The following PRKAG2 variants were observed in gnomAD, a reference collection of about 807,000 sequenced individuals.
PRKAG2 encodes 5'-AMP-activated protein kinase subunit gamma-2.
Under a neutral mutation model 69.6 loss-of-function variants are expected in PRKAG2, and 26 were observed. That is an observed-to-expected ratio of 0.37 (90% CI 0.27 to 0.52). The LOEUF is 0.52. PRKAG2 is among the 20% of genes least tolerant of loss of function. The pLI is 0.90. For synonymous variants in PRKAG2, 293 were observed against 285.0 expected (o/e 1.03, Z -0.28); for missense variants, 557 against 740.0 (o/e 0.75, Z 2.87).
intron 1 of PRKAG2, among the ~76,000 whole-genome samples, chr7:151,798,999 G>T (rs1428551477): frequency 1.3e-5 from 2 of 152,120 alleles, no homozygotes; most frequent in African/African-American, 4.8e-5. Flanking sequence ...ACCCAGAACA[G>T]CAATTACACC....
At position 151,557,168 on chromosome 7, in the gene PRKAG2, G is replaced by A; in HGVS notation, c.*33C>T. 6.2e-7 allele frequency: 1 copy of A among 1,614,090 alleles called. No individual in the cohort carries two copies. Among genetic ancestry groups the A allele is most frequent in the Non-Finnish European group, 8.5e-7 (1 of 1,180,004 alleles). ...AACGTGACCCAGAGACTTTGTTCAA[G>A]TTCTCCTCCTAGGGCGTCTACATTC... is the stretch of plus-strand genomic sequence containing the variant. On this transcript the variant is annotated 3_prime_UTR_variant, in exon 16 of 16. Transcript: ENST00000287878.
chr7:151,627,858 C>T (rs1823388951), intron 5 of PRKAG2, among the ~76,000 whole-genome samples: 7 of 152,106 alleles, frequency 4.6e-5, no homozygotes, highest in Admixed American at 3.9e-4. Context: ...AAGACGGGGT[C>T]TCACCATGTT....
At chr7:151,724,511 G>T (rs992274820) in intron 3 of PRKAG2, among the ~76,000 whole-genome samples, 8 of 152,052 alleles carry the variant, frequency 5.3e-5, no homozygotes, top group African/African-American at 1.9e-4. Context: ...GCTGCTCAGA[G>T]CCCGAGGATG....
At chr7:151,714,740 G>A (rs1186166310) in intron 3 of PRKAG2, among the ~76,000 whole-genome samples, 2 of 151,916 alleles carry the variant, frequency 1.3e-5, no homozygotes, top group Non-Finnish European at 1.5e-5. Context: ...ACCTGAGGTT[G>A]GGAGGTTGAG....
chr7:151,620,485 GT>G (rs200948394), intron 5 of PRKAG2, among the ~76,000 whole-genome samples: 5 of 146,332 alleles, frequency 3.4e-5, no homozygotes, highest in Admixed American at 6.9e-5. Context: ...TTTTTGTTTT[GT>G]TTTTTTTTTG....
intron 3 of PRKAG2, among the ~76,000 whole-genome samples, chr7:151,697,072 G>C (rs1416869864): frequency 6.6e-6 from 1 of 152,124 alleles, no homozygotes; most frequent in Admixed American, 6.5e-5. Flanking sequence ...GCCTGGCATG[G>C]GGAAGGGGTG....
At chr7:151,710,016 C>G (rs1202030068) in intron 3 of PRKAG2, among the ~76,000 whole-genome samples, 1 of 152,154 alleles carries the variant, frequency 6.6e-6, no homozygotes, top group Non-Finnish European at 1.5e-5. Flanking sequence ...CAGTAGAGCC[C>G]CACGGAGCAC....
At chr7:151,568,650 T>C in intron 11 of PRKAG2, 66 bp downstream of exon 11, 2 of 1,567,422 alleles carry the variant, frequency 1.3e-6, no homozygotes, top group South Asian at 2.2e-5. Context: ...GGAGCCAATT[T>C]ACTTGAAGTA....
At chr7:151,646,617 A>G (rs1344862737) in intron 4 of PRKAG2, among the ~76,000 whole-genome samples, 5 of 152,116 alleles carry the variant, frequency 3.3e-5, no homozygotes, top group Non-Finnish European at 1.5e-5. Flanking sequence ...CACATCATCT[A>G]CTGCCTCTTA....
intron 1 of PRKAG2, among the ~76,000 whole-genome samples, chr7:151,833,271 C>T (rs531933377): frequency 1.3e-5 from 2 of 152,248 alleles, no homozygotes; most frequent in African/African-American, 4.8e-5. Flanking sequence ...TGGGACAGAG[C>T]ACCCCGGGCA....
intron 4 of PRKAG2, among the ~76,000 whole-genome samples, chr7:151,643,262 TC>T (rs1369793689): frequency 6.6e-6 from 1 of 152,236 alleles, no homozygotes; most frequent in Non-Finnish European, 1.5e-5. Context: ...CTCACCAAGT[TC>T]ATCTAACCTT....
chr7:151,671,143 C>T (rs1389486155), intron 4 of PRKAG2, among the ~76,000 whole-genome samples: 1 of 137,856 alleles, frequency 7.3e-6, no homozygotes, highest in African/African-American at 2.8e-5. Flanking sequence ...CAAGGCACTC[C>T]AGCCTGGGTG....
intron 1 of PRKAG2, among the ~76,000 whole-genome samples, chr7:151,862,281 C>T (rs2079949464): frequency 6.6e-6 from 1 of 152,186 alleles, no homozygotes; most frequent in Admixed American, 6.5e-5. Context: ...CAGTAATGTG[C>T]CTAAAATCTG....
chr7:151,761,213 C>T (rs2075394189), intron 3 of PRKAG2, among the ~76,000 whole-genome samples: 2 of 152,178 alleles, frequency 1.3e-5, no homozygotes, highest in African/African-American at 2.4e-5. Context: ...AAGGATGATA[C>T]TAGCCCTTCC....
chr7:151,842,886 G>A (rs1300831290), intron 1 of PRKAG2, among the ~76,000 whole-genome samples: 1 of 151,958 alleles, frequency 6.6e-6, no homozygotes, highest in Non-Finnish European at 1.5e-5. Flanking sequence ...AGGTGGAAAC[G>A]TGTCTTTAGG....
intron 1 of PRKAG2, among the ~76,000 whole-genome samples, chr7:151,811,721 A>C (rs2078429828): frequency 6.6e-6 from 1 of 152,166 alleles, no homozygotes; most frequent in Non-Finnish European, 1.5e-5. Context: ...GCCCACTAGG[A>C]AGGGAGGGAA....
At chr7:151,672,995 G>A (rs958118130) in intron 4 of PRKAG2, among the ~76,000 whole-genome samples, 9 of 152,114 alleles carry the variant, frequency 5.9e-5, no homozygotes, top group African/African-American at 2.2e-4. Flanking sequence ...TGGTTGTGTG[G>A]GGTATAAACA....
intron 3 of PRKAG2, among the ~76,000 whole-genome samples, chr7:151,758,442 C>A (rs1322439338): frequency 6.6e-6 from 1 of 152,210 alleles, no homozygotes; most frequent in Non-Finnish European, 1.5e-5. Context: ...AACTATGTCA[C>A]CTTTAAGTTC....
intron 3 of PRKAG2, among the ~76,000 whole-genome samples, chr7:151,722,516 C>T (rs2536075): frequency 0.21 from 31,844 of 152,036 alleles, 3,493 homozygotes; most frequent in South Asian, 0.39. Flanking sequence ...GGGGTCTCCT[C>T]GTGGAGCTCA....
Sources: gnomAD v4.1 joint callset for allele counts (sites outside exome capture counted in the v4.1 genomes callset) on GRCh38, gnomAD v4.1.1 for gene constraint, MANE v1.5 for transcripts, NCBI Gene and HGNC (gene_info 2026-07-23, HGNC 2026-07-21) for gene names.